The following CTNNA2 variants were observed in gnomAD, a reference collection of about 807,000 sequenced individuals.
CTNNA2 encodes the protein catenin alpha 2, also known as catenin alpha-2.
In CTNNA2, 42 loss-of-function variants were observed where a neutral mutation model predicts 101.0. The ratio of observed to expected loss-of-function variants is 0.42; its 90% CI spans 0.32 to 0.54. The LOEUF is 0.54. Ranked by LOEUF, CTNNA2 falls within the 20% of genes least tolerant of loss-of-function variation. The pLI, the probability that CTNNA2 is intolerant of heterozygous loss-of-function variation, is 0.14. For missense variants in CTNNA2, 871 were observed against 1,223.1 expected (o/e 0.71, Z 4.29); for synonymous variants, 450 against 456.4 (o/e 0.99, Z 0.18).
chr2:80,381,439 G>T (rs1676508821), intron 7 of CTNNA2, among the ~76,000 whole-genome samples: 1 of 152,080 alleles, frequency 6.6e-6, no homozygotes, highest in Non-Finnish European at 1.5e-5. Context: ...AAGTGCTTGG[G>T]ACCTGTGTGC....
chr2:79,334,160 G>T (rs115996250), intron 3 of CTNNA2, among the ~76,000 whole-genome samples: 1 of 152,182 alleles, frequency 6.6e-6, no homozygotes, highest in African/African-American at 2.4e-5. Flanking sequence ...ACTCTATAGC[G>T]CTGCAGAACA....
chr2:80,463,481 A>C (rs771964932), intron 9 of CTNNA2, among the ~76,000 whole-genome samples: 8 of 152,124 alleles, frequency 5.3e-5, no homozygotes, highest in Non-Finnish European at 1.2e-4. Context: ...CTCTGGTTAA[A>C]TCTTATTTTT....
chr2:80,537,987 TGAG>T (rs1217944531), intron 9 of CTNNA2, among the ~76,000 whole-genome samples: 1 of 152,236 alleles, frequency 6.6e-6, no homozygotes, highest in Non-Finnish European at 1.5e-5. Context: ...CCAGTGATGA[TGAG>T]CTTTTTTTCA....
At chr2:80,291,288 A>C (rs1675213287) in intron 7 of CTNNA2, among the ~76,000 whole-genome samples, 2 of 152,322 alleles carry the variant, frequency 1.3e-5, no homozygotes, top group South Asian at 4.1e-4. Context: ...TCTCCTCCTT[A>C]ACTTCATACC....
chr2:79,921,922 C>T (rs1211447796), intron 7 of CTNNA2, among the ~76,000 whole-genome samples: 1 of 152,138 alleles, frequency 6.6e-6, no homozygotes, highest in Non-Finnish European at 1.5e-5. Flanking sequence ...TTTTTAAAAA[C>T]ACATATTCCA....
At chr2:79,536,847 G>A (rs528575945) in intron 1 of CTNNA2, among the ~76,000 whole-genome samples, 1 of 152,144 alleles carries the variant, frequency 6.6e-6, no homozygotes, top group African/African-American at 2.4e-5. Context: ...TGTTACAGGT[G>A]CATGCTGCCA....
chr2:79,519,175 G>A (rs1671966332), intron 1 of CTNNA2, among the ~76,000 whole-genome samples: 1 of 148,806 alleles, frequency 6.7e-6, no homozygotes, highest in African/African-American at 2.5e-5. Flanking sequence ...GCTGCAGTGA[G>A]CCGAGATGGT....
chr2:80,358,485 G>A (rs1674070010), intron 7 of CTNNA2, among the ~76,000 whole-genome samples: 1 of 151,610 alleles, frequency 6.6e-6, no homozygotes, highest in Non-Finnish European at 1.5e-5. Context: ...TGAGTAGCTG[G>A]AATTACAGGT....
At chr2:80,211,279 G>A (rs1393559251) in intron 7 of CTNNA2, among the ~76,000 whole-genome samples, 1 of 152,170 alleles carries the variant, frequency 6.6e-6, no homozygotes, top group Non-Finnish European at 1.5e-5. Context: ...TTTTAGTCAT[G>A]AAGTCCTTGC....
chr2:80,376,799 C>A (rs568085079), intron 7 of CTNNA2, among the ~76,000 whole-genome samples: 22 of 152,176 alleles, frequency 1.4e-4, no homozygotes, highest in African/African-American at 5.3e-4. Flanking sequence ...CAAGGCCATC[C>A]CTTCCTTGAT....
chr2:80,019,969 A>G (rs1694439585), intron 7 of CTNNA2, among the ~76,000 whole-genome samples: 1 of 152,170 alleles, frequency 6.6e-6, no homozygotes, highest in Admixed American at 6.5e-5. Flanking sequence ...CTGTAAATTT[A>G]GTTGTTGCAA....
chr2:79,657,916 G>T (rs905439553), intron 2 of CTNNA2, among the ~76,000 whole-genome samples: 1 of 151,622 alleles, frequency 6.6e-6, no homozygotes, highest in Non-Finnish European at 1.5e-5. Context: ...TTAAAATAAT[G>T]TACCACGTAA....
chr2:80,221,001 C>T (rs1173024114), intron 7 of CTNNA2, among the ~76,000 whole-genome samples: 2 of 152,156 alleles, frequency 1.3e-5, no homozygotes, highest in African/African-American at 2.4e-5. Context: ...CCTGCCTCAG[C>T]CTCCCAAGTA....
intron 8 of CTNNA2, among the ~76,000 whole-genome samples, chr2:80,394,979 T>G (rs1410228514): frequency 6.6e-6 from 1 of 152,172 alleles, no homozygotes; most frequent in Non-Finnish European, 1.5e-5. Flanking sequence ...TTACATTTTT[T>G]TTTACATTCA....
chr2:80,378,545 A>G (rs1365246735), intron 7 of CTNNA2: 3 of 152,096 alleles, frequency 2.0e-5, no homozygotes, highest in East Asian at 1.9e-4. Flanking sequence ...TGTTGTATAT[A>G]TGATTAACAA....
At chr2:79,463,586 AG>A (rs1670902066) in intron 4 of CTNNA2, among the ~76,000 whole-genome samples, 1 of 152,170 alleles carries the variant, frequency 6.6e-6, no homozygotes, top group African/African-American at 2.4e-5. Flanking sequence ...TTAAGTGAGC[AG>A]GACCATTCAC....
chr2:80,535,941 A>G (rs116605629), intron 9 of CTNNA2, among the ~76,000 whole-genome samples: 1 of 152,278 alleles, frequency 6.6e-6, no homozygotes, highest in East Asian at 1.9e-4. Context: ...CCTCAAGTCC[A>G]ATTTTGATGG....
chr2:80,131,793 A>C (rs1702430138), intron 7 of CTNNA2, among the ~76,000 whole-genome samples: 1 of 152,086 alleles, frequency 6.6e-6, no homozygotes, highest in African/African-American at 2.4e-5. Context: ...GTTATTAAAA[A>C]CTATCAGCCG....
chr2:80,214,041 G>C (rs1171264698), intron 7 of CTNNA2, among the ~76,000 whole-genome samples: 2 of 152,074 alleles, frequency 1.3e-5, no homozygotes, highest in Admixed American at 1.3e-4. Flanking sequence ...TGCAACCCCT[G>C]CTTGTTTTTG....
Sources: allele counts gnomAD v4.1 joint callset (sites outside exome capture counted in the v4.1 genomes callset), GRCh38; gene constraint gnomAD v4.1.1; transcripts MANE v1.5; gene names NCBI Gene and HGNC (gene_info 2026-07-23, HGNC 2026-07-21).